Variants in ASPRV1 observed in about 807,000 individuals in gnomAD.
ASPRV1 encodes the protein retroviral-like aspartic protease 1.
Under a neutral mutation model 11.0 loss-of-function variants are expected in ASPRV1, and 7 were observed. The observed-to-expected ratio is 0.64, with a 90% CI of 0.36 to 1.20. ASPRV1 has a LOEUF of 1.20. Ranked by LOEUF, ASPRV1 falls within the 50% of genes most tolerant of loss-of-function variation. ASPRV1 has a pLI of 0.02. For missense variants in ASPRV1, 299 were observed against 320.0 expected, an observed-to-expected ratio of 0.93 and a Z score of 0.50; for synonymous variants, 136 against 138.4, an observed-to-expected ratio of 0.98 and a Z score of 0.12.
chr2:69,998,339 T>G, the ASPRV1 span, among the ~76,000 whole-genome samples: 1 of 151,650 alleles, frequency 6.6e-6, no homozygotes, highest in African/African-American at 2.4e-5. Flanking sequence ...AAAGATCCTT[T>G]AAAAAGTCAC....
At chr2:69,994,703 A>C in the ASPRV1 span, among the ~76,000 whole-genome samples, 1 of 152,204 alleles carries the variant, frequency 6.6e-6, no homozygotes, top group African/African-American at 2.4e-5. Context: ...TCTTTAAAAA[A>C]ATAAACAGAA....
chr2:70,073,842 A>G, the ASPRV1 span, among the ~76,000 whole-genome samples: 1 of 152,020 alleles, frequency 6.6e-6, no homozygotes, highest in Non-Finnish European at 1.5e-5. Flanking sequence ...CAGACTCTCT[A>G]AGAACTCACA....
chr2:69,993,178 G>A, the ASPRV1 span, among the ~76,000 whole-genome samples: 4 of 152,286 alleles, frequency 2.6e-5, no homozygotes, highest in South Asian at 6.2e-4. Flanking sequence ...CTCAGGCCAC[G>A]TAGCGAAGAG....
the ASPRV1 span, among the ~76,000 whole-genome samples, chr2:70,027,259 C>CA: frequency 0.2 from 10,005 of 49,142 alleles, 1,376 homozygotes; most frequent in Non-Finnish European, 0.32. Context: ...CCCTGTCTCT[C>CA]AAAAAAAAAA....
chr2:70,068,330 CA>C, the ASPRV1 span, among the ~76,000 whole-genome samples: 208 of 152,286 alleles, frequency 1.4e-3, 1 homozygote, highest in African/African-American at 4.8e-3. Flanking sequence ...CAGGCAAAGT[CA>C]GGGGTGAAGT....
At chr2:70,052,545 C>T in the ASPRV1 span, among the ~76,000 whole-genome samples, 5 of 152,228 alleles carry the variant, frequency 3.3e-5, no homozygotes, top group South Asian at 1.0e-3. Flanking sequence ...TCTGTTCACG[C>T]ACCCATTCAC....
the ASPRV1 span, among the ~76,000 whole-genome samples, chr2:69,977,736 T>C: frequency 2.0e-5 from 3 of 152,178 alleles, no homozygotes; most frequent in Non-Finnish European, 4.4e-5. Flanking sequence ...CAGCTAAGAT[T>C]TGGATACAGA....
At chr2:69,946,442 A>T in the ASPRV1 span, among the ~76,000 whole-genome samples, 5 of 152,194 alleles carry the variant, frequency 3.3e-5, no homozygotes, top group African/African-American at 1.2e-4. Flanking sequence ...TAGAGTGAGG[A>T]TAATAACAGC....
At chr2:70,001,958 A>G in the ASPRV1 span, among the ~76,000 whole-genome samples, 2 of 152,364 alleles carry the variant, frequency 1.3e-5, no homozygotes, top group Admixed American at 6.5e-5. Context: ...AAGTATAAAA[A>G]GCGAGTCATA....
the ASPRV1 span, among the ~76,000 whole-genome samples, chr2:70,010,403 T>C: frequency 2.0e-5 from 3 of 151,964 alleles, no homozygotes; most frequent in East Asian, 5.8e-4. Flanking sequence ...GGGATTTGCG[T>C]GGCAAGGGTG....
the ASPRV1 span, among the ~76,000 whole-genome samples, chr2:70,021,655 G>C: frequency 6.6e-6 from 1 of 150,802 alleles, no homozygotes; most frequent in African/African-American, 2.4e-5. Context: ...GTCCAATATA[G>C]TACCTATAGT....
the ASPRV1 span, among the ~76,000 whole-genome samples, chr2:70,048,532 G>T: frequency 1.3e-5 from 2 of 152,260 alleles, no homozygotes; most frequent in South Asian, 4.1e-4. Context: ...ACAGCAGGAG[G>T]TATGGAATCT....
the ASPRV1 span, among the ~76,000 whole-genome samples, chr2:69,948,258 T>C: frequency 1.3e-5 from 2 of 151,990 alleles, no homozygotes; most frequent in Non-Finnish European, 2.9e-5. Flanking sequence ...AAACAAACAA[T>C]CAAAATTAAT....
chr2:70,008,627 GTTT>G, the ASPRV1 span, among the ~76,000 whole-genome samples: 4 of 151,252 alleles, frequency 2.6e-5, no homozygotes, highest in East Asian at 5.8e-4. Flanking sequence ...ATTATGAAAT[GTTT>G]TTGTGTGTTT....
the ASPRV1 span, among the ~76,000 whole-genome samples, chr2:69,973,281 T>C: frequency 6.6e-6 from 1 of 152,226 alleles, no homozygotes; most frequent in Admixed American, 6.5e-5. Flanking sequence ...TTGTAACTGA[T>C]AAATGAATGT....
chr2:70,081,732 C>T, the ASPRV1 span, among the ~76,000 whole-genome samples: 290 of 151,728 alleles, frequency 1.9e-3, 6 homozygotes, highest in South Asian at 0.043. Context: ...TACAGGTGCA[C>T]GCCACCACAC....
At chr2:70,004,564 T>C in the ASPRV1 span, among the ~76,000 whole-genome samples, 1 of 149,778 alleles carries the variant, frequency 6.7e-6, no homozygotes, top group Middle Eastern at 3.5e-3. Flanking sequence ...AGTGGGGTAA[T>C]TGAGTGCTAG....
the ASPRV1 span, among the ~76,000 whole-genome samples, chr2:69,977,438 T>C: frequency 1.3e-5 from 2 of 152,266 alleles, no homozygotes; most frequent in South Asian, 2.1e-4. Flanking sequence ...CTGTAAGTTG[T>C]GTAAGATGCT....
the ASPRV1 span, among the ~76,000 whole-genome samples, chr2:69,981,597 C>CAGCG: frequency 6.6e-6 from 1 of 152,200 alleles, no homozygotes; most frequent in Admixed American, 6.5e-5. Flanking sequence ...TACTCTGTTA[C>CAGCG]CCAGGCTGGA....
Sources: allele counts gnomAD v4.1 joint callset (sites outside exome capture counted in the v4.1 genomes callset), GRCh38; gene constraint gnomAD v4.1.1; transcripts MANE v1.5; gene names NCBI Gene and HGNC (gene_info 2026-07-23, HGNC 2026-07-21).